MGME1: variants seen among roughly 807,000 people sequenced by gnomAD.
MGME1 encodes mitochondrial genome maintenance exonuclease 1.
In MGME1, 22 loss-of-function variants were observed where a neutral mutation model predicts 33.0. The ratio of observed to expected loss-of-function variants is 0.67; its 90% CI spans 0.48 to 0.95. MGME1 has a LOEUF of 0.95. Among genes scored for constraint, MGME1 ranks in the 40% least tolerant of loss-of-function variants. The pLI is 0.00. For synonymous variants in MGME1, 133 were observed against 144.0 expected (o/e 0.92, Z 0.55); for missense variants, 383 against 397.8 (o/e 0.96, Z 0.32).
At position 17,978,715 on chromosome 20, in the gene MGME1, T is replaced by C. The variant is rs146886133; in HGVS notation, c.731+2812T>C. Among the ~76,000 whole-genome samples, 114 of 152,300 alleles carry C rather than the reference T, an allele frequency of 7.5e-4. 1 individual carries two copies. In the East Asian group the frequency reaches 0.021, roughly 29 times the overall value. ...ATAGCACTGTTGTTTGTTTTTTGCTTTTTAAGTCAACATCAACCTTGGTAA... is the reference window on the plus strand; with the variant it reads ...ATAGCACTGTTGTTTGTTTTTTGCTCTTTAAGTCAACATCAACCTTGGTAA... On this transcript the variant is annotated intron_variant, in intron 3 of 4. Coordinates refer to ENST00000377710, the MANE Select transcript of MGME1 (RefSeq NM_052865.4).
chr20:17,977,740 C>T (rs763168351), intron 3 of MGME1, among the ~76,000 whole-genome samples: 8 of 152,182 alleles, frequency 5.3e-5, no homozygotes, highest in Middle Eastern at 3.2e-3. Context: ...GTTTAGTAAA[C>T]ATTATTAATT....
chr20:17,974,365 A>G (rs1272948947), intron 2 of MGME1, among the ~76,000 whole-genome samples: 1 of 152,030 alleles, frequency 6.6e-6, no homozygotes, highest in East Asian at 1.9e-4. Context: ...ATGCCCGGCC[A>G]TGTTCCCTTT....
chr20:17,976,365 C>G (rs1280074553), intron 3 of MGME1, among the ~76,000 whole-genome samples: 1 of 152,174 alleles, frequency 6.6e-6, no homozygotes, highest in African/African-American at 2.4e-5. Flanking sequence ...CTCAAGTGAT[C>G]CATCCACCTT....
intron 3 of MGME1, among the ~76,000 whole-genome samples, chr20:17,976,192 T>C (rs2035862389): frequency 6.6e-6 from 1 of 152,184 alleles, no homozygotes; most frequent in Non-Finnish European, 1.5e-5. Context: ...GGTGCAATCT[T>C]GGCTCACTGC....
At chr20:17,975,338 C>T (rs2035830568) in intron 2 of MGME1, among the ~76,000 whole-genome samples, 1 of 152,026 alleles carries the variant, frequency 6.6e-6, no homozygotes, top group Admixed American at 6.6e-5. Context: ...GCTGGCAGAT[C>T]ACGAGGTCAG....
chr20:17,968,674 G>C (rs909417820), upstream of MGME1: 2 of 584,784 alleles, frequency 3.4e-6, no homozygotes. Context: ...TCTTGGAGCC[G>C]GGCAAAGACG....
At position 17,990,000 on chromosome 20, in the gene MGME1, T is replaced by C; in HGVS notation, c.926T>C (p.Met309Thr). The C allele has an allele frequency of 2.5e-6, 4 of 1,614,190 alleles. No individual in the cohort carries two copies. Among genetic ancestry groups the C allele is most frequent in the Non-Finnish European group, 3.4e-6 (4 of 1,180,022 alleles). The stretch of plus-strand genomic sequence containing the variant: ...GGATCACCTGCCCACCCACATTTCA[T>C]GGATGCAGAGCTCTGTTCCCAGTAC... ...KDGSPAHPHF[M>T]DAELCSQYWT... The change falls in exon 5 of 5, where the codon ATG becomes ACG. Residue 309 changes from methionine to threonine, a missense_variant. Transcript: ENST00000377710.
At chr20:17,968,790 G>C (rs1304032146), upstream of MGME1, 1 of 283,642 alleles carries the variant, frequency 3.5e-6, no homozygotes, top group African/African-American at 2.2e-5. Flanking sequence ...CGCGTCTAGA[G>C]AAAGACCGCG....
chr20:17,979,895 C>A (rs2035964924), intron 3 of MGME1, among the ~76,000 whole-genome samples: 1 of 152,074 alleles, frequency 6.6e-6, no homozygotes, highest in African/African-American at 2.4e-5. Flanking sequence ...CCACACCCAA[C>A]TAATTTTTCT....
At chr20:17,975,579 T>C in intron 2 of MGME1, 105 bp from the exon 3 acceptor site, 2 of 812,484 alleles carry the variant, frequency 2.5e-6, no homozygotes, top group South Asian at 3.8e-5. Context: ...GAAAAAAAAA[T>C]GTCATTTTTA....
At chr20:17,987,950 G>A (rs1387149204) in intron 3 of MGME1, among the ~76,000 whole-genome samples, 1 of 152,178 alleles carries the variant, frequency 6.6e-6, no homozygotes, top group Non-Finnish European at 1.5e-5. Context: ...CTACTTGGGA[G>A]GCTGAGGTGG....
chr20:17,987,216 TTACTGG>T, intron 3 of MGME1, among the ~76,000 whole-genome samples: 1 of 149,668 alleles, frequency 6.7e-6, no homozygotes, highest in Admixed American at 6.7e-5. Context: ...CATCCTAGAG[TTACTGG>T]GGCCCTTTTC....
intron 3 of MGME1, among the ~76,000 whole-genome samples, chr20:17,977,914 T>C (rs969553271): frequency 4.6e-5 from 7 of 152,074 alleles, no homozygotes; most frequent in Admixed American, 1.3e-4. Context: ...GTACCCCTAA[T>C]CCAAATAAGG....
chr20:17,980,196 T>C (rs1220675174), intron 3 of MGME1, among the ~76,000 whole-genome samples: 1 of 151,926 alleles, frequency 6.6e-6, no homozygotes, highest in Non-Finnish European at 1.5e-5. Flanking sequence ...CAGCTCATTT[T>C]TGTATTTTTC....
intron 2 of MGME1, among the ~76,000 whole-genome samples, chr20:17,974,898 C>T (rs2122519634): frequency 6.6e-6 from 1 of 152,162 alleles, no homozygotes; most frequent in African/African-American, 2.4e-5. Flanking sequence ...CCTTATTTTC[C>T]ATTCCTTGTT....
chr20:17,986,430 C>G (rs1390516949), intron 3 of MGME1, among the ~76,000 whole-genome samples: 3 of 151,092 alleles, frequency 2.0e-5, no homozygotes. Flanking sequence ...CGCTGTTGTG[C>G]AGTGGTGCAA....
chr20:17,985,920 T>G (rs2036143130), intron 3 of MGME1, among the ~76,000 whole-genome samples: 1 of 152,236 alleles, frequency 6.6e-6, no homozygotes, highest in Non-Finnish European at 1.5e-5. Flanking sequence ...GTCATTAAGC[T>G]ACACATGACT....
chr20:17,981,653 G>GTGTGTT (rs1322060551), intron 3 of MGME1, among the ~76,000 whole-genome samples: 2 of 117,450 alleles, frequency 1.7e-5, no homozygotes, highest in African/African-American at 8.0e-5. Context: ...CTACTCGTGT[G>GTGTGTT]TGTGTGTGTG....
rs532017380 is a variant in MGME1, at chr20:17,979,057, T to TGTGA, written c.731+3156_731+3159dup. ...CCTCCCAAAGTGCTGGGATTGTAAG[T>TGTGA]GTGAGCCACTGCACCCAGCCTAGAA... On this transcript the variant is annotated intron_variant, in intron 3 of 4. Coordinates refer to ENST00000377710, the MANE Select transcript of MGME1 (RefSeq NM_052865.4). Among the ~76,000 whole-genome samples the TGTGA allele has an allele frequency of 1.4e-3, 210 of 150,862 alleles. 1 individual carries two copies. Among genetic ancestry groups the TGTGA allele is most frequent in the African/African-American group, 4.4e-3 (182 of 41,042 alleles).
Sources: allele counts gnomAD v4.1 joint callset (sites outside exome capture counted in the v4.1 genomes callset), GRCh38; gene constraint gnomAD v4.1.1; transcripts MANE v1.5; gene names NCBI Gene and HGNC (gene_info 2026-07-23, HGNC 2026-07-21).